The following XKR6 variants were observed in gnomAD, a reference collection of about 807,000 sequenced individuals.
XKR6 encodes XK related 6.
In XKR6, 22 loss-of-function variants were observed where a neutral mutation model predicts 56.7. The observed-to-expected ratio is 0.39, with a 90% CI of 0.28 to 0.55. XKR6 has a LOEUF of 0.55. Ranked by LOEUF, XKR6 falls within the 20% of genes least tolerant of loss-of-function variation. XKR6 has a pLI of 0.66. For missense variants in XKR6, 852 were observed against 889.0 expected (o/e 0.96, Z 0.53); for synonymous variants, 524 against 387.8 (o/e 1.35, Z -4.13).
chr8:11,071,739 G>T (rs1414305878), intron 1 of XKR6, among the ~76,000 whole-genome samples: 1 of 152,150 alleles, frequency 6.6e-6, no homozygotes, highest in East Asian at 1.9e-4. Context: ...TTGTTATGAT[G>T]GTCTTAGCAA....
chr8:11,007,105 A>G, intron 1 of XKR6, among the ~76,000 whole-genome samples: 1 of 152,162 alleles, frequency 6.6e-6, no homozygotes, highest in Non-Finnish European at 1.5e-5. Flanking sequence ...GTCTTGTTGT[A>G]TCTGTCTTCT....
Position 11,082,179 on chromosome 8 carries a change from A to G in XKR6, c.764+118397T>C, listed in dbSNP as rs541334638. 4.3e-4 allele frequency among the ~76,000 whole-genome samples: 66 copies of G among 152,318 alleles called. No homozygotes were observed. The South Asian group carries it at 0.013, about 30-fold the overall frequency. ...CAAGGAGCCAATTTCTGCTCTGTACATAGAAAAGGTGGTCCTCTCCTGTTT... is the reference window on the plus strand; with the variant it reads ...CAAGGAGCCAATTTCTGCTCTGTACGTAGAAAAGGTGGTCCTCTCCTGTTT... On this transcript the variant is annotated intron_variant, in intron 1 of 2. Coordinates refer to ENST00000416569, the MANE Select transcript of XKR6 (RefSeq NM_173683.4).
chr8:10,980,077 G>T (rs965290194), intron 1 of XKR6, among the ~76,000 whole-genome samples: 2 of 152,258 alleles, frequency 1.3e-5, no homozygotes, highest in African/African-American at 4.8e-5. Context: ...AGGGGAGCTT[G>T]GAATGAGATG....
intron 1 of XKR6, among the ~76,000 whole-genome samples, chr8:11,081,927 C>T (rs1586519293): frequency 1.3e-5 from 2 of 152,300 alleles, no homozygotes; most frequent in Non-Finnish European, 2.9e-5. Flanking sequence ...CCAACCAGCC[C>T]GACAGGCAGT....
chr8:10,949,055 G>A (rs1005210165), intron 1 of XKR6, among the ~76,000 whole-genome samples: 22 of 152,112 alleles, frequency 1.4e-4, no homozygotes, highest in Admixed American at 5.2e-4. Flanking sequence ...TCACACTCAC[G>A]CTGTCCTCTC....
chr8:11,124,541 A>G (rs6601564), intron 1 of XKR6: 90,159 of 159,166 alleles, frequency 0.57, 28,607 homozygotes, highest in African/African-American at 0.84. Flanking sequence ...AAATTGACTG[A>G]TAAACTGATC....
At chr8:10,915,910 C>T (rs1306821750) in intron 2 of XKR6, among the ~76,000 whole-genome samples, 3 of 152,202 alleles carry the variant, frequency 2.0e-5, no homozygotes, top group South Asian at 4.1e-4. Context: ...AGCCAGAGAA[C>T]GGGGTCAAGA....
intron 1 of XKR6, among the ~76,000 whole-genome samples, chr8:11,025,970 G>A (rs987753204): frequency 2.0e-5 from 3 of 152,110 alleles, no homozygotes; most frequent in African/African-American, 7.2e-5. Context: ...CAGTACAAGA[G>A]ATTAAAACAG....
chr8:11,022,691 C>A (rs1451232187), intron 1 of XKR6, among the ~76,000 whole-genome samples: 1 of 152,076 alleles, frequency 6.6e-6, no homozygotes, highest in Non-Finnish European at 1.5e-5. Context: ...ACACTGAGGC[C>A]CAGAGAGGTT....
intron 1 of XKR6, among the ~76,000 whole-genome samples, chr8:11,160,924 A>AG (rs1299787236): frequency 1.3e-5 from 2 of 151,416 alleles, no homozygotes; most frequent in African/African-American, 4.8e-5. Context: ...AAAAAAAAAA[A>AG]AAAAAAAGAA....
chr8:11,045,454 G>T (rs190873937), intron 1 of XKR6, among the ~76,000 whole-genome samples: 1 of 152,188 alleles, frequency 6.6e-6, no homozygotes, highest in African/African-American at 2.4e-5. Flanking sequence ...TGCCAGAGGG[G>T]AGGATGGGCA....
chr8:11,192,759 T>C (rs748424669), intron 1 of XKR6, among the ~76,000 whole-genome samples: 2 of 152,184 alleles, frequency 1.3e-5, no homozygotes, highest in Admixed American at 1.3e-4. Context: ...GCTCTGATCC[T>C]GGAGTCTGTA....
intron 1 of XKR6, among the ~76,000 whole-genome samples, chr8:10,960,067 C>A (rs1300380884): frequency 6.6e-6 from 1 of 152,182 alleles, no homozygotes; most frequent in Non-Finnish European, 1.5e-5. Flanking sequence ...CTAATCCTGG[C>A]CCTGTCCATG....
intron 1 of XKR6, among the ~76,000 whole-genome samples, chr8:11,147,253 GTCAA>G (rs560203414): frequency 2.6e-5 from 4 of 152,186 alleles, no homozygotes; most frequent in African/African-American, 7.2e-5. Flanking sequence ...CTTTTTATGT[GTCAA>G]TCATTTAAAA....
chr8:11,014,011 C>A (rs188670077), intron 1 of XKR6, among the ~76,000 whole-genome samples: 2 of 152,196 alleles, frequency 1.3e-5, no homozygotes, highest in African/African-American at 4.8e-5. Context: ...TTTACTCGCA[C>A]GGCAGACAGG....
intron 1 of XKR6, among the ~76,000 whole-genome samples, chr8:11,156,961 A>AT (rs1265064059): frequency 1.3e-5 from 2 of 152,182 alleles, no homozygotes; most frequent in African/African-American, 4.8e-5. Flanking sequence ...GGCAAACAGG[A>AT]TTTTAACCAA....
chr8:11,173,362 T>C (rs939787014), intron 1 of XKR6, among the ~76,000 whole-genome samples: 5 of 145,798 alleles, frequency 3.4e-5, no homozygotes, highest in African/African-American at 1.3e-4. Flanking sequence ...TATATATATA[T>C]ATATACACAC....
intron 1 of XKR6, chr8:11,002,461 G>A (rs1238945495): frequency 7.5e-6 from 3 of 401,976 alleles, no homozygotes; most frequent in African/African-American, 6.3e-5. Flanking sequence ...TCATCTCCAG[G>A]AGAAGGCAGG....
chr8:11,056,526 C>A (rs1586486002), intron 1 of XKR6, among the ~76,000 whole-genome samples: 2 of 152,140 alleles, frequency 1.3e-5, no homozygotes, highest in Non-Finnish European at 1.5e-5. Flanking sequence ...TTCATCTACC[C>A]CAAATGCAAC....
Sources: allele counts gnomAD v4.1 joint callset (sites outside exome capture counted in the v4.1 genomes callset), GRCh38; gene constraint gnomAD v4.1.1; transcripts MANE v1.5; gene names NCBI Gene and HGNC (gene_info 2026-07-23, HGNC 2026-07-21).